Variants in DNAH5 observed in about 807,000 individuals in gnomAD.
The protein encoded by DNAH5 is dynein axonemal heavy chain 5.
Under a neutral mutation model 518.2 loss-of-function variants are expected in DNAH5, and 372 were observed. The observed-to-expected ratio is 0.72, with a 90% CI of 0.66 to 0.78. The LOEUF (loss-of-function observed/expected upper bound fraction) is 0.78. Ranked by LOEUF, DNAH5 falls within the 30% of genes least tolerant of loss-of-function variation. DNAH5 has a pLI of 0.00. For synonymous variants in DNAH5, 2,039 were observed against 2,025.9 expected, an observed-to-expected ratio of 1.01 and a Z score of -0.17; for missense variants, 5,523 against 5,687.0, an observed-to-expected ratio of 0.97 and a Z score of 0.93.
rs549729913 is a variant in DNAH5 at position 14,001,364 on chromosome 5, G to A, written c.12+10284C>T. ...TACTTAGTGATTTTTTGTTTTTTTT[G>A]TTGTTGTTGTTGAGACAGAGTCAGA... On this transcript the variant is annotated intron_variant, in intron 1 of 78. Coordinates refer to the DNAH5 transcript ENST00000681290. Among the ~76,000 whole-genome samples, 10 of 151,868 alleles carry A rather than the reference G, an allele frequency of 6.6e-5. 1 individual carries two copies. The highest frequency in any genetic ancestry group is 2.4e-4 in the African/African-American group (10 of 41,450).
intron 3 of DNAH5, among the ~76,000 whole-genome samples, chr5:13,924,007 C>T (rs1423671170): frequency 6.6e-6 from 1 of 152,062 alleles, no homozygotes; most frequent in Non-Finnish European, 1.5e-5. Flanking sequence ...GATCACACCA[C>T]TGCACTTCAG....
chr5:13,889,925 A>G (rs909050373), intron 17 of DNAH5, among the ~76,000 whole-genome samples: 4 of 152,142 alleles, frequency 2.6e-5, no homozygotes, highest in Non-Finnish European at 5.9e-5. Flanking sequence ...AGACCCCGGC[A>G]CATCATATTA....
rs150436839 is a variant in DNAH5, at chr5:13,729,373, A to G, written c.11883+66T>C. 3 of 1,597,330 alleles carry G rather than the reference A, an allele frequency of 1.9e-6. No homozygotes were observed. The South Asian group carries it at 3.3e-5, about 18-fold the overall frequency. ...ACTATCTCTCTTCCACAAATATTGT[A>G]CCTAGTGATAAATCAGAAAGCTGCT... On this transcript the variant is annotated intron_variant, in intron 69 of 78. Coordinates refer to ENST00000265104, the MANE Select transcript of DNAH5 (RefSeq NM_001369.3).
At chr5:13,925,903 C>T (rs1468009409) in intron 3 of DNAH5, among the ~76,000 whole-genome samples, 1 of 152,178 alleles carries the variant, frequency 6.6e-6, no homozygotes, top group African/African-American at 2.4e-5. Flanking sequence ...GGATGCAGGA[C>T]TTTCAGTGCT....
In DNAH5 at chr5:13,818,357, G is replaced by C. The variant is rs1010878785; in HGVS notation, c.6842-663C>G. On this transcript the variant is annotated intron_variant, in intron 41 of 78. Coordinates refer to ENST00000265104, the MANE Select transcript of DNAH5 (RefSeq NM_001369.3). ...CTCACGCCTGTAATCCCAGCACTTTGGGGGGCCAAGGCGGGCAGATCATGA... is the reference window on the plus strand; with the variant it reads ...CTCACGCCTGTAATCCCAGCACTTTCGGGGGCCAAGGCGGGCAGATCATGA... Among the ~76,000 whole-genome samples, 5 of 152,336 alleles carry C rather than the reference G, an allele frequency of 3.3e-5. No homozygotes were observed. The East Asian group carries it at 5.8e-4, about 18-fold the overall frequency.
At chr5:13,724,868 C>T (rs140547666) in intron 70 of DNAH5, among the ~76,000 whole-genome samples, 4 of 152,358 alleles carry the variant, frequency 2.6e-5, no homozygotes, top group Non-Finnish European at 5.9e-5. Flanking sequence ...AGAAGCTGAG[C>T]AGATGCCAGC....
chr5:14,003,329 T>C (rs1784490689), intron 1 of DNAH5, among the ~76,000 whole-genome samples: 1 of 152,262 alleles, frequency 6.6e-6, no homozygotes, highest in African/African-American at 2.4e-5. Flanking sequence ...TGTTTTTTGA[T>C]AGTGAAGAAA....
intron 1 of DNAH5, among the ~76,000 whole-genome samples, chr5:13,950,777 A>G (rs1382964817): frequency 1.3e-5 from 2 of 152,142 alleles, no homozygotes; most frequent in Non-Finnish European, 2.9e-5. Context: ...GTCTCTTCAG[A>G]TAGTATCGCC....
At chr5:13,902,749 C>T (rs1774808862) in intron 12 of DNAH5, among the ~76,000 whole-genome samples, 1 of 152,044 alleles carries the variant, frequency 6.6e-6, no homozygotes, top group Admixed American at 6.6e-5. Flanking sequence ...ATCGGTGCCA[C>T]ACCTAGATAA....
intron 1 of DNAH5, among the ~76,000 whole-genome samples, chr5:13,972,267 G>A (rs1457763205): frequency 6.6e-6 from 1 of 152,212 alleles, no homozygotes; most frequent in Non-Finnish European, 1.5e-5. Flanking sequence ...AGCAAGCAGG[G>A]CTGTCAGGTT....
At position 13,810,043 on chromosome 5, in the gene DNAH5, G is replaced by A. The variant is rs565791648; in HGVS notation, c.7609+16C>T. On this transcript the variant is annotated intron_variant, in intron 45 of 78. Coordinates refer to ENST00000265104, the MANE Select transcript of DNAH5 (RefSeq NM_001369.3). ...CGGCCCCCATGGGTTCCGTCTGGAC[G>A]GGCAGGTGTCCTCACCATCGGGCGC... is the stretch of plus-strand genomic sequence containing the variant. 35 of 1,550,170 alleles carry A rather than the reference G, an allele frequency of 2.3e-5. No homozygotes were observed. The highest frequency in any genetic ancestry group is 3.0e-5 in the Non-Finnish European group (34 of 1,147,152).
At chr5:13,934,857 T>C (rs534453964) in intron 1 of DNAH5, among the ~76,000 whole-genome samples, 3 of 152,316 alleles carry the variant, frequency 2.0e-5, no homozygotes, top group African/African-American at 7.2e-5. Context: ...AAAACAAACA[T>C]GTTAGTTCAT....
At position 13,859,616 on chromosome 5, in the gene DNAH5, A is replaced by G. The variant is rs968642423; in HGVS notation, c.4797-11T>C. The G allele has an allele frequency of 1.2e-6, 2 of 1,613,274 alleles. No homozygotes were observed. Among genetic ancestry groups the G allele is most frequent in the Non-Finnish European group, 1.7e-6 (2 of 1,179,216 alleles). On this transcript the variant is annotated splice_polypyrimidine_tract_variant and intron_variant, in intron 29 of 78. Coordinates refer to ENST00000265104, the MANE Select transcript of DNAH5 (RefSeq NM_001369.3). The stretch of plus-strand genomic sequence containing the variant: ...AATGGCATATTGTACCTAAAATAAG[A>G]AATAGGTTTAGGGTTTGGTTTTGTT...
chr5:13,876,540 C>T, intron 22 of DNAH5, 144 bp downstream of exon 22: 1 of 902,730 alleles, frequency 1.1e-6, no homozygotes, highest in Non-Finnish European at 1.7e-6. Flanking sequence ...GTTAGACAAA[C>T]ATTTGCTGAG....
At chr5:13,995,408 G>A (rs1023826078) in intron 1 of DNAH5, among the ~76,000 whole-genome samples, 1 of 151,844 alleles carries the variant, frequency 6.6e-6, no homozygotes. Flanking sequence ...TCCATTGCAC[G>A]AGCTTCCATG....
intron 43 of DNAH5, among the ~76,000 whole-genome samples, chr5:13,814,373 C>G (rs1438934770): frequency 2.0e-5 from 3 of 152,176 alleles, no homozygotes; most frequent in Non-Finnish European, 2.9e-5. Flanking sequence ...GGCAATTACT[C>G]TACAACCCAG....
chr5:13,748,172 A>G (rs913282327), intron 65 of DNAH5, among the ~76,000 whole-genome samples: 6 of 152,186 alleles, frequency 3.9e-5, no homozygotes, highest in African/African-American at 1.4e-4. Flanking sequence ...CAGGTTTGTC[A>G]AAGATCAGAT....
chr5:13,831,286 G>A (rs894858992), intron 35 of DNAH5, among the ~76,000 whole-genome samples: 2 of 152,196 alleles, frequency 1.3e-5, no homozygotes, highest in South Asian at 2.1e-4. Flanking sequence ...ATTTCTGTGA[G>A]TATCTACTAA....
rs12655911 is a variant in DNAH5, at chr5:13,920,016, G to T, written c.798+464C>A. Among the ~76,000 whole-genome samples, 113 of 152,292 alleles carry T rather than the reference G, an allele frequency of 7.4e-4. 1 individual carries two copies. The East Asian group carries it at 0.019, about 25-fold the overall frequency. ...GCTATTCATTTACTCTATAACCTTG[G>T]AGGAACATGGCCTTGTTAAATTGCA... On this transcript the variant is annotated intron_variant, in intron 6 of 78. Coordinates refer to ENST00000265104, the MANE Select transcript of DNAH5 (RefSeq NM_001369.3).
Sources: allele counts gnomAD v4.1 joint callset (sites outside exome capture counted in the v4.1 genomes callset), GRCh38; gene constraint gnomAD v4.1.1; transcripts MANE v1.5; gene names NCBI Gene and HGNC (gene_info 2026-07-23, HGNC 2026-07-21).